PRELID3B: variants seen among roughly 807,000 people sequenced by gnomAD.
PRELID3B encodes the protein PRELI domain containing protein 3B.
A neutral mutation model predicts 24.0 loss-of-function variants in PRELID3B; 15 were observed. The ratio of observed to expected loss-of-function variants is 0.63; its 90% CI spans 0.42 to 0.96. PRELID3B has a LOEUF of 0.96. Among genes scored for constraint, PRELID3B ranks in the 40% least tolerant of loss-of-function variants. PRELID3B has a pLI of 0.00. For missense variants in PRELID3B, 189 were observed against 236.0 expected (o/e 0.80, Z 1.30); for synonymous variants, 62 against 76.0 (o/e 0.82, Z 0.96).
At position 59,034,993 on chromosome 20, in the gene PRELID3B, A is replaced by G; in HGVS notation, c.*14T>C. The G allele has an allele frequency of 6.2e-7, 1 of 1,607,606 alleles. No homozygotes were observed. The highest frequency in any genetic ancestry group is 2.2e-5 in the East Asian group (1 of 44,742). On this transcript the variant is annotated 3_prime_UTR_variant, in exon 6 of 6. Coordinates refer to ENST00000355937, the MANE Select transcript of PRELID3B (RefSeq NM_016045.3). ...AGACCTGGAGTACCCGATGTTGTCT[A>G]CCAACTGTCACGATCACTTCTCTGC...
intron 5 of PRELID3B, 50 bp from the exon 6 acceptor site, chr20:59,035,176 TA>T: frequency 6.5e-7 from 1 of 1,536,798 alleles, no homozygotes; most frequent in Non-Finnish European, 8.8e-7. Context: ...AGCAAAGGCA[TA>T]TATCGAACTA....
intron 1 of PRELID3B, 33 bp from the exon 2 acceptor site, chr20:59,038,667 AAT>A (rs369106324): frequency 2.9e-6 from 4 of 1,396,512 alleles, no homozygotes; most frequent in East Asian, 2.4e-5. Flanking sequence ...AAAAAAAAAA[AAT>A]TCAGACATTT....
intron 5 of PRELID3B, among the ~76,000 whole-genome samples, chr20:59,036,043 C>T (rs976120103): frequency 1.3e-5 from 2 of 151,718 alleles, no homozygotes; most frequent in Non-Finnish European, 2.9e-5. Context: ...ATGGAGGTGG[C>T]AATTAGGGAA....
chr20:59,037,296 AG>A lies in PRELID3B; in HGVS notation c.202-17del. On this transcript the variant is annotated splice_polypyrimidine_tract_variant and intron_variant, in intron 2 of 5. Transcript: ENST00000355937. The stretch of plus-strand genomic sequence containing the variant: ...CACCAATAAGCTAAGTAAAACATTC[AG>A]AACTAGGAATCAGAGGAGGAAGAAT... 1 of 1,574,500 alleles carries A rather than the reference AG, an allele frequency of 6.4e-7. No homozygotes were observed.
chr20:59,035,198 A>G (rs1423251994), intron 5 of PRELID3B, 72 bp from the exon 6 acceptor site: 2 of 1,411,248 alleles, frequency 1.4e-6, no homozygotes, highest in Non-Finnish European at 1.9e-6. Context: ...ATGACACACC[A>G]GGAAGTAACA....
At chr20:59,037,311 A>G in intron 2 of PRELID3B, 31 bp from the exon 3 acceptor site, 1 of 1,481,738 alleles carries the variant, frequency 6.7e-7, no homozygotes, top group Non-Finnish European at 9.4e-7. Context: ...TAGGAATCAG[A>G]GGAGGAAGAA....
At chr20:59,036,659 C>A (rs372318535) in intron 4 of PRELID3B, 31 bp downstream of exon 4, 39 of 1,579,156 alleles carry the variant, frequency 2.5e-5, no homozygotes, top group Non-Finnish European at 3.1e-5. Flanking sequence ...ACACCCTTTA[C>A]GATACATTTG....
intron 1 of PRELID3B, among the ~76,000 whole-genome samples, chr20:59,042,291 AC>A (rs908184939): frequency 2.0e-5 from 3 of 151,982 alleles, no homozygotes; most frequent in African/African-American, 7.3e-5. Flanking sequence ...GAAAACCAAC[AC>A]CTCCCTCTTG....
chr20:59,037,154 A>G (rs781137618), intron 3 of PRELID3B, 37 bp downstream of exon 3: 2 of 1,482,392 alleles, frequency 1.3e-6, no homozygotes, highest in Non-Finnish European at 1.9e-6. Context: ...ACTCAGCCAG[A>G]CAGTTCGAAA....
chr20:59,041,172 T>C (rs2092107375), intron 1 of PRELID3B, among the ~76,000 whole-genome samples: 1 of 152,118 alleles, frequency 6.6e-6, no homozygotes, highest in Non-Finnish European at 1.5e-5. Flanking sequence ...AGAAGAGGAC[T>C]GAAGCATGCA....
At chr20:59,042,527 G>A (rs1208392020) in intron 1 of PRELID3B, among the ~76,000 whole-genome samples, 172 bp downstream of exon 1, 1 of 150,770 alleles carries the variant, frequency 6.6e-6, no homozygotes, top group Non-Finnish European at 1.5e-5. Context: ...AGGGCGCCTC[G>A]GGGTCGTGAC....
intron 1 of PRELID3B, among the ~76,000 whole-genome samples, chr20:59,042,207 C>CA (rs1008122102): frequency 6.6e-6 from 1 of 152,232 alleles, no homozygotes; most frequent in Admixed American, 6.5e-5. Flanking sequence ...TCCTGGTGGT[C>CA]AGAGTTCACC....
In PRELID3B at chr20:59,038,092, T is replaced by G. The variant is rs184842079; in HGVS notation, c.201+374A>C. 9 of 167,024 alleles carry G rather than the reference T, an allele frequency of 5.4e-5. No homozygotes were observed. The East Asian group carries it at 1.6e-3, about 29-fold the overall frequency. 10.3% of individuals were successfully genotyped at this position (167,024 alleles called of 1,614,324 possible). A position where few individuals can be genotyped will look rare whatever the true frequency, so the allele number is the denominator to read the frequency against. On this transcript the variant is annotated intron_variant, in intron 2 of 5. Transcript: ENST00000355937. ...GGCAATAACAAGTCCGAGAACATAG[T>G]CCTTACTTAATGTACACAACCCACC...
intron 1 of PRELID3B, among the ~76,000 whole-genome samples, chr20:59,041,622 C>G (rs1601254768): frequency 6.6e-6 from 1 of 152,222 alleles, no homozygotes; most frequent in East Asian, 1.9e-4. Context: ...GTAATCCCAG[C>G]TACTTGGGAG....
intron 1 of PRELID3B, 78 bp from the exon 2 acceptor site, chr20:59,038,712 AATCT>A (rs1167259962): frequency 6.9e-7 from 1 of 1,456,542 alleles, no homozygotes; most frequent in African/African-American, 1.4e-5. Flanking sequence ...CAATTTTTAT[AATCT>A]ATCAAATCAT....
chr20:59,035,153 G>A (rs1486809736), intron 5 of PRELID3B, 27 bp from the exon 6 acceptor site: 1 of 1,587,680 alleles, frequency 6.3e-7, no homozygotes, highest in Non-Finnish European at 8.6e-7. Context: ...TACATTTATT[G>A]TTACTGAGGG....
intron 1 of PRELID3B, among the ~76,000 whole-genome samples, chr20:59,042,230 T>G (rs1376712023): frequency 6.6e-6 from 1 of 152,180 alleles, no homozygotes; most frequent in Non-Finnish European, 1.5e-5. Flanking sequence ...AAATTCACAT[T>G]CGAAGGTAGA....
rs923854420 is a variant in PRELID3B at position 59,034,001 on chromosome 20, T to C, written c.*1006A>G. The C allele has an allele frequency of 2.0e-5, 3 of 152,124 alleles. No individual in the cohort carries two copies. The highest frequency in any genetic ancestry group is 7.2e-5 in the African/African-American group (3 of 41,420). The allele number at this position is 152,124 out of a possible 1,614,324, so 9.4% of individuals were successfully genotyped here. ...GCCCCCAAATCCTGCAGTGGCACCA[T>C]ATTATTAAAAACACTAAGTACCTGG... On this transcript the variant is annotated 3_prime_UTR_variant, in exon 6 of 6. Coordinates refer to ENST00000355937, the MANE Select transcript of PRELID3B (RefSeq NM_016045.3).
chr20:59,038,651 A>C lies in PRELID3B; in HGVS notation c.33-17T>G. ...CACGGGTGGCTGCCGATGTGAACCA[A>C]AAAAAAAAAAAAAAAAATTCAGACA... On this transcript the variant is annotated splice_polypyrimidine_tract_variant and intron_variant, in intron 1 of 5. Transcript: ENST00000355937. The C allele has an allele frequency of 1.1e-4, 6 of 54,432 alleles. No homozygotes were observed. The highest frequency in any genetic ancestry group is 8.1e-4 in the African/African-American group (1 of 1,232). The allele number at this position is 54,432 out of a possible 1,614,324, so 3.4% of individuals were successfully genotyped here.
Sources: allele counts gnomAD v4.1 joint callset (sites outside exome capture counted in the v4.1 genomes callset), GRCh38; gene constraint gnomAD v4.1.1; transcripts MANE v1.5; gene names NCBI Gene and HGNC (gene_info 2026-07-23, HGNC 2026-07-21).